Variants in KCNQ1 observed in about 807,000 individuals in gnomAD.
The protein encoded by KCNQ1 is potassium voltage-gated channel subfamily KQT member 1.
Under a neutral mutation model 72.4 loss-of-function variants are expected in KCNQ1, and 49 were observed. The ratio of observed to expected loss-of-function variants is 0.68; its 90% CI spans 0.54 to 0.86. The LOEUF (loss-of-function observed/expected upper bound fraction) is 0.86. Ranked by LOEUF, KCNQ1 falls within the 40% of genes least tolerant of loss-of-function variation. The probability of loss-of-function intolerance (pLI) is 0.00; values close to 1 mark genes in which losing one functional copy is unlikely to be tolerated. For synonymous variants in KCNQ1, 450 were observed against 412.6 expected (o/e 1.09, Z -1.10); for missense variants, 790 against 945.1 (o/e 0.84, Z 2.15).
At position 2,695,206 on chromosome 11, in the gene KCNQ1, T is replaced by C. The variant is rs1033918407; in HGVS notation, c.1514+33125T>C. 2.5e-6 allele frequency: 1 copy of C among 398,662 alleles called. No homozygotes were observed. The highest frequency in any genetic ancestry group is 4.4e-6 in the Non-Finnish European group (1 of 226,098). The allele number at this position is 398,662 out of a possible 1,614,324, so 24.7% of individuals were successfully genotyped here. ...CTCAGCCTATGAAACACTGTCACCCTGTAAGGGTCTGCATAAAGTCACCGC... is the reference window on the plus strand; with the variant it reads ...CTCAGCCTATGAAACACTGTCACCCCGTAAGGGTCTGCATAAAGTCACCGC... On this transcript the variant is annotated intron_variant, in intron 11 of 15. Coordinates refer to ENST00000155840, the MANE Select transcript of KCNQ1 (RefSeq NM_000218.3). The surrounding 1 kb of genome is among the most constrained non-coding windows in gnomAD (Gnocchi z 5.2).
At position 2,751,369 on chromosome 11, in the gene KCNQ1, G is replaced by A. The variant is rs571381957; in HGVS notation, c.1515-17475G>A. Among the ~76,000 whole-genome samples, 17 of 152,362 alleles carry A rather than the reference G, an allele frequency of 1.1e-4. No individual in the cohort carries two copies. The South Asian group carries it at 2.3e-3, about 20-fold the overall frequency. ...GAAACGGACGCCAGCGTTTAGGAGCGGGTGGGCTCCCGGAAGGGGGCTCTA... is the reference window on the plus strand; with the variant it reads ...GAAACGGACGCCAGCGTTTAGGAGCAGGTGGGCTCCCGGAAGGGGGCTCTA... On this transcript the variant is annotated intron_variant, in intron 11 of 15. Coordinates refer to ENST00000155840, the MANE Select transcript of KCNQ1 (RefSeq NM_000218.3).
intron 12 of KCNQ1, among the ~76,000 whole-genome samples, chr11:2,770,427 C>A (rs1773048416): frequency 6.6e-6 from 1 of 152,264 alleles, no homozygotes; most frequent in Admixed American, 6.5e-5. Context: ...ACTCTGAGCC[C>A]CAAGAGCAGC....
intron 15 of KCNQ1, among the ~76,000 whole-genome samples, chr11:2,821,792 C>A: frequency 6.6e-6 from 1 of 152,200 alleles, no homozygotes. Flanking sequence ...ATCTTCCAAG[C>A]CACTCCTGTT....
Position 2,486,834 on chromosome 11 carries a change from A to T in KCNQ1, c.387-41094A>T, listed in dbSNP as rs1427206057. Among the ~76,000 whole-genome samples the T allele has an allele frequency of 6.6e-6, 1 of 152,056 alleles. No individual in the cohort carries two copies. The highest frequency in any genetic ancestry group is 1.5e-5 in the Non-Finnish European group (1 of 68,004). ...TAATCATGGGGAATCTGCCCCTATGACCCAAACAGCACCCACCAGGCCCCA... is the reference window on the plus strand; with the variant it reads ...TAATCATGGGGAATCTGCCCCTATGTCCCAAACAGCACCCACCAGGCCCCA... On this transcript the variant is annotated intron_variant, in intron 1 of 15. Coordinates refer to ENST00000155840, the MANE Select transcript of KCNQ1 (RefSeq NM_000218.3). This position sits in a 1 kb window ranked among gnomAD's most constrained non-coding sequence, Gnocchi z 5.0.
Position 2,752,495 on chromosome 11 carries a change from T to A in KCNQ1, c.1515-16349T>A, listed in dbSNP as rs540967346. ...AGACCTGGTGATTCATACTTAGGAATTCATTGTTCTGGAGACTGGGAAGCA... is the reference window on the plus strand; with the variant it reads ...AGACCTGGTGATTCATACTTAGGAAATCATTGTTCTGGAGACTGGGAAGCA... On this transcript the variant is annotated intron_variant, in intron 11 of 15. Transcript: ENST00000155840. This position sits in a 1 kb window ranked among gnomAD's most constrained non-coding sequence, Gnocchi z 5.2. Among the ~76,000 whole-genome samples the A allele has an allele frequency of 1.4e-4, 21 of 152,066 alleles. No homozygotes were observed. The highest frequency in any genetic ancestry group is 2.8e-4 in the Non-Finnish European group (19 of 68,012).
chr11:2,503,970 ACT>A (rs1847059709), intron 1 of KCNQ1, among the ~76,000 whole-genome samples: 2 of 152,186 alleles, frequency 1.3e-5, no homozygotes, highest in Admixed American at 1.3e-4. Context: ...CAGCAGTCCC[ACT>A]CTAGTTATAT....
At chr11:2,708,469 T>C (rs992392011) in intron 11 of KCNQ1, among the ~76,000 whole-genome samples, 2 of 152,174 alleles carry the variant, frequency 1.3e-5, no homozygotes, top group Non-Finnish European at 2.9e-5. Context: ...AGGGTGGGGC[T>C]GAGGAGGCTG....
chr11:2,632,242 GCTA>G, intron 10 of KCNQ1: 1 of 396,164 alleles, frequency 2.5e-6, no homozygotes, highest in Non-Finnish European at 4.4e-6. Flanking sequence ...TTACTATCCT[GCTA>G]CTTTGCTGAA....
rs1268428913 is a variant in KCNQ1, at chr11:2,683,724, T to C, written c.1514+21643T>C. 1.8e-5 allele frequency: 7 copies of C among 398,478 alleles called. No individual in the cohort carries two copies. The highest frequency in any genetic ancestry group is 3.1e-5 in the Non-Finnish European group (7 of 226,070). The allele number at this position is 398,478 out of a possible 1,614,324, so 24.7% of individuals were successfully genotyped here. ...TCAGGCCTTTCCTTACTCCCTCTGG[T>C]TACCTAGCTTTAGCTCTGAGGCAGC... On this transcript the variant is annotated intron_variant, in intron 11 of 15. Coordinates refer to ENST00000155840, the MANE Select transcript of KCNQ1 (RefSeq NM_000218.3). The surrounding 1 kb of genome is among the most constrained non-coding windows in gnomAD (Gnocchi z 4.7).
At position 2,620,028 on chromosome 11, in the gene KCNQ1, A is replaced by G. The variant is rs1012705877; in HGVS notation, c.1393+31174A>G. The G allele has an allele frequency of 7.5e-6, 3 of 398,162 alleles. No individual in the cohort carries two copies. The highest frequency in any genetic ancestry group is 1.3e-5 in the Non-Finnish European group (3 of 226,028). The allele number at this position is 398,162 out of a possible 1,614,324, so 24.7% of individuals were successfully genotyped here. On this transcript the variant is annotated intron_variant, in intron 10 of 15. Transcript: ENST00000155840. The surrounding 1 kb of genome is among the most constrained non-coding windows in gnomAD (Gnocchi z 4.5). ...AGCCCACCTCTCCATTCCTCCCCCA[A>G]GTAGTCCCCAGTGTCTACTGATCAT...
At chr11:2,460,405 G>A (rs1846258710) in intron 1 of KCNQ1, among the ~76,000 whole-genome samples, 1 of 152,246 alleles carries the variant, frequency 6.6e-6, no homozygotes, top group African/African-American at 2.4e-5. Flanking sequence ...CCCCCAGGTG[G>A]CCCTGCGGGT....
chr11:2,576,261 G>A (rs78106550), intron 6 of KCNQ1, among the ~76,000 whole-genome samples: 7 of 152,298 alleles, frequency 4.6e-5, no homozygotes, highest in South Asian at 4.1e-4. Context: ...CGAAGGCGCC[G>A]GCTCAGTGGT....
intron 15 of KCNQ1, among the ~76,000 whole-genome samples, chr11:2,799,505 G>T (rs1370194902): frequency 6.6e-6 from 1 of 151,708 alleles, no homozygotes; most frequent in African/African-American, 2.4e-5. Flanking sequence ...TGTTGTATGT[G>T]GTGTGTCTTC....
In KCNQ1 at chr11:2,815,818, AG is replaced by A. The variant is rs1402222950; in HGVS notation, c.1795-31947del. Among the ~76,000 whole-genome samples, 2 of 152,100 alleles carry A rather than the reference AG, an allele frequency of 1.3e-5. No homozygotes were observed. The highest frequency in any genetic ancestry group is 2.9e-5 in the Non-Finnish European group (2 of 67,950). On this transcript the variant is annotated intron_variant, in intron 15 of 15. Transcript: ENST00000155840. This position sits in a 1 kb window ranked among gnomAD's most constrained non-coding sequence, Gnocchi z 5.4. ...TTCCTGCTGGCCTCCCCAGAGCTCC[AG>A]GCTCTGAGGCCACACCCTCACCCAA...
In KCNQ1 at chr11:2,602,248, T is replaced by C. The variant is rs1025936574; in HGVS notation, c.1393+13394T>C. 6.6e-6 allele frequency among the ~76,000 whole-genome samples: 1 copy of C among 151,662 alleles called. No individual in the cohort carries two copies. The highest frequency in any genetic ancestry group is 1.5e-5 in the Non-Finnish European group (1 of 67,818). On this transcript the variant is annotated intron_variant, in intron 10 of 15. Transcript: ENST00000155840. This position sits in a 1 kb window ranked among gnomAD's most constrained non-coding sequence, Gnocchi z 4.8. ...CTTGATTTTTCGTCCCCTAAGACTC[T>C]TTTCAGACTTCTGGCCTCTAGAACT...
In KCNQ1 at chr11:2,668,640, T is replaced by C. The variant is rs1238620227; in HGVS notation, c.1514+6559T>C. 3 of 398,528 alleles carry C rather than the reference T, an allele frequency of 7.5e-6. No individual in the cohort carries two copies. Among genetic ancestry groups the C allele is most frequent in the Non-Finnish European group, 1.3e-5 (3 of 226,072 alleles). 24.7% of individuals were successfully genotyped at this position (398,528 alleles called of 1,614,324 possible). A position where few individuals can be genotyped will look rare whatever the true frequency, so the allele number is the denominator to read the frequency against. On this transcript the variant is annotated intron_variant, in intron 11 of 15. Coordinates refer to ENST00000155840, the MANE Select transcript of KCNQ1 (RefSeq NM_000218.3). This position sits in a 1 kb window ranked among gnomAD's most constrained non-coding sequence, Gnocchi z 4.3. Reference sequence around the variant, plus strand: ...CTGCCTGTTTTATGTTTATTTATGGTCCTATATATCTTTAGATATTCTGGA... The same window carrying C: ...CTGCCTGTTTTATGTTTATTTATGGCCCTATATATCTTTAGATATTCTGGA...
intron 10 of KCNQ1, chr11:2,648,127 C>T: frequency 5.1e-6 from 2 of 394,592 alleles, no homozygotes; most frequent in Non-Finnish European, 8.9e-6. Flanking sequence ...ATTGCTTGAG[C>T]CCAGGAAGCA....
chr11:2,663,261 A>G lies in KCNQ1; in HGVS notation c.1514+1180A>G. On this transcript the variant is annotated intron_variant, in intron 11 of 15. Coordinates refer to ENST00000155840, the MANE Select transcript of KCNQ1 (RefSeq NM_000218.3). This position sits in a 1 kb window ranked among gnomAD's most constrained non-coding sequence, Gnocchi z 5.2. ...CACTGGAAAGCAGGGGTGACTAGTC[A>G]TGGACACCCTGAGAATAGGGCTCTG... 2 of 398,706 alleles carry G rather than the reference A, an allele frequency of 5.0e-6. No individual in the cohort carries two copies. The highest frequency in any genetic ancestry group is 8.8e-6 in the Non-Finnish European group (2 of 226,154). The allele number at this position is 398,706 out of a possible 1,614,324, so 24.7% of individuals were successfully genotyped here. A position where few individuals can be genotyped will look rare whatever the true frequency, so the allele number is the denominator to read the frequency against.
At chr11:2,469,649 C>A (rs1212246777) in intron 1 of KCNQ1, among the ~76,000 whole-genome samples, 2 of 151,504 alleles carry the variant, frequency 1.3e-5, no homozygotes, top group Non-Finnish European at 2.9e-5. Context: ...TTATCCCTTG[C>A]TAGTCCTTCA....
Sources: allele counts gnomAD v4.1 joint callset (sites outside exome capture counted in the v4.1 genomes callset), GRCh38; gene constraint gnomAD v4.1.1; non-coding constraint Gnocchi (gnomAD v3.1); transcripts MANE v1.5; gene names NCBI Gene and HGNC (gene_info 2026-07-23, HGNC 2026-07-21).